JAZF1: variants seen among roughly 807,000 people sequenced by gnomAD.
The protein encoded by JAZF1 is JAZF zinc finger 1.
A neutral mutation model predicts 26.4 loss-of-function variants in JAZF1; 8 were observed. The observed-to-expected ratio is 0.30, with a 90% CI of 0.18 to 0.55. JAZF1 has a LOEUF of 0.55. JAZF1 is among the 20% of genes least tolerant of loss of function. The probability of loss-of-function intolerance (pLI) is 0.94; values close to 1 mark genes in which losing one functional copy is unlikely to be tolerated. For synonymous variants in JAZF1, 126 were observed against 122.3 expected, an observed-to-expected ratio of 1.03 and a Z score of -0.20; for missense variants, 199 against 322.0, an observed-to-expected ratio of 0.62 and a Z score of 2.92.
intron 2 of JAZF1, among the ~76,000 whole-genome samples, chr7:27,912,442 T>C (rs376508348): frequency 1.8e-4 from 27 of 152,044 alleles, no homozygotes; most frequent in African/African-American, 6.0e-4. Flanking sequence ...GTGAGAAAAA[T>C]CTTGGGGCTA....
intron 2 of JAZF1, among the ~76,000 whole-genome samples, chr7:27,951,752 T>G (rs1583477535): frequency 6.6e-6 from 1 of 152,298 alleles, no homozygotes; most frequent in East Asian, 1.9e-4. Context: ...AAAACACTGC[T>G]CAGCCATCTC....
intron 1 of JAZF1, among the ~76,000 whole-genome samples, chr7:28,176,509 G>A (rs1182865548): frequency 2.6e-5 from 4 of 151,956 alleles, no homozygotes; most frequent in Admixed American, 6.6e-5. Flanking sequence ...CCAACCCTCC[G>A]GACCCTGATC....
chr7:28,126,394 GA>G (rs1287493978), intron 1 of JAZF1, among the ~76,000 whole-genome samples: 2 of 151,972 alleles, frequency 1.3e-5, no homozygotes, highest in African/African-American at 4.8e-5. Flanking sequence ...TAAGAGCTAG[GA>G]AGAAAAAAGT....
chr7:28,132,506 G>T (rs1782811611), intron 1 of JAZF1, among the ~76,000 whole-genome samples: 1 of 152,156 alleles, frequency 6.6e-6, no homozygotes, highest in Non-Finnish European at 1.5e-5. Context: ...GGGTGGTAAG[G>T]AGAGGATTAA....
At chr7:28,153,586 C>A (rs1457703091) in intron 1 of JAZF1, among the ~76,000 whole-genome samples, 2 of 152,208 alleles carry the variant, frequency 1.3e-5, no homozygotes, top group Non-Finnish European at 2.9e-5. Flanking sequence ...AACTGTCTCA[C>A]TCTCTGCAGC....
chr7:28,003,667 C>G (rs959935896), intron 1 of JAZF1, among the ~76,000 whole-genome samples: 1 of 152,138 alleles, frequency 6.6e-6, no homozygotes, highest in South Asian at 2.1e-4. Context: ...CCATTTGTTC[C>G]TCTCCATTTC....
chr7:27,864,374 G>A (rs1458742343), intron 3 of JAZF1, among the ~76,000 whole-genome samples: 1 of 152,164 alleles, frequency 6.6e-6, no homozygotes, highest in Non-Finnish European at 1.5e-5. Flanking sequence ...GCACACCCTA[G>A]GAAAAATCAG....
chr7:28,073,311 T>G (rs1784005094), intron 1 of JAZF1, among the ~76,000 whole-genome samples: 1 of 152,146 alleles, frequency 6.6e-6, no homozygotes, highest in South Asian at 2.1e-4. Flanking sequence ...ATGCTGTTGT[T>G]TGTAGGGCTC....
At chr7:28,073,063 G>C (rs1299455334) in intron 1 of JAZF1, among the ~76,000 whole-genome samples, 3 of 152,154 alleles carry the variant, frequency 2.0e-5, no homozygotes, top group African/African-American at 7.2e-5. Flanking sequence ...CTATCGGTAG[G>C]TGTTAGCAGT....
At chr7:28,169,151 C>T (rs186159835) in intron 1 of JAZF1, among the ~76,000 whole-genome samples, 18 of 152,328 alleles carry the variant, frequency 1.2e-4, no homozygotes, top group East Asian at 3.9e-4. Flanking sequence ...TGACAAAAGA[C>T]GATTCCTTTA....
At chr7:27,860,461 C>T (rs1266954745) in intron 3 of JAZF1, among the ~76,000 whole-genome samples, 1 of 152,184 alleles carries the variant, frequency 6.6e-6, no homozygotes, top group African/African-American at 2.4e-5. Flanking sequence ...ACCATCTCCA[C>T]AACCTCTGTT....
intron 3 of JAZF1, among the ~76,000 whole-genome samples, chr7:27,868,196 CAT>C (rs1783513823): frequency 1.3e-5 from 2 of 152,238 alleles, no homozygotes; most frequent in Admixed American, 6.5e-5. Flanking sequence ...TGAGTTCACA[CAT>C]GACACCATCT....
intron 3 of JAZF1, among the ~76,000 whole-genome samples, chr7:27,855,843 C>T (rs2128335040): frequency 6.6e-6 from 1 of 152,282 alleles, no homozygotes; most frequent in Admixed American, 6.5e-5. Flanking sequence ...AAAAGAGGGA[C>T]TCCTCCCTAA....
At chr7:28,127,819 G>A (rs1022738708) in intron 1 of JAZF1, among the ~76,000 whole-genome samples, 10 of 152,098 alleles carry the variant, frequency 6.6e-5, no homozygotes, top group Non-Finnish European at 1.5e-5. Context: ...GCAAAAGGGG[G>A]AAAAGCCTCT....
At chr7:27,943,809 T>C (rs1321656335) in intron 2 of JAZF1, among the ~76,000 whole-genome samples, 1 of 152,194 alleles carries the variant, frequency 6.6e-6, no homozygotes, top group African/African-American at 2.4e-5. Flanking sequence ...TGAAAGTTAA[T>C]GCATTCCACA....
chr7:28,115,182 C>G (rs977959665), intron 1 of JAZF1, among the ~76,000 whole-genome samples: 7 of 152,120 alleles, frequency 4.6e-5, no homozygotes, highest in Non-Finnish European at 1.0e-4. Flanking sequence ...AAGTAAAATG[C>G]CAACCACAGG....
At chr7:27,984,151 C>T (rs1785647539) in intron 2 of JAZF1, among the ~76,000 whole-genome samples, 1 of 152,144 alleles carries the variant, frequency 6.6e-6, no homozygotes, top group Non-Finnish European at 1.5e-5. Flanking sequence ...AAGACACAGA[C>T]TGGTAAATTG....
chr7:28,155,588 C>A (rs1208975885), intron 1 of JAZF1, among the ~76,000 whole-genome samples: 1 of 152,184 alleles, frequency 6.6e-6, no homozygotes. Flanking sequence ...ACTAAGTAAT[C>A]CTTTCTTCCC....
At chr7:28,043,566 T>C (rs1783441748) in intron 1 of JAZF1, among the ~76,000 whole-genome samples, 1 of 152,158 alleles carries the variant, frequency 6.6e-6, no homozygotes, top group Admixed American at 6.6e-5. Flanking sequence ...TACACAGCCA[T>C]TGTAGAAAAC....
Sources: gnomAD v4.1 joint callset for allele counts (sites outside exome capture counted in the v4.1 genomes callset) on GRCh38, gnomAD v4.1.1 for gene constraint, MANE v1.5 for transcripts, NCBI Gene and HGNC (gene_info 2026-07-23, HGNC 2026-07-21) for gene names.